The following DNM1L variants were observed in gnomAD, a reference collection of about 807,000 sequenced individuals.
DNM1L encodes dynamin 1L, also known as dynamin-1-like protein.
Under a neutral mutation model 92.8 loss-of-function variants are expected in DNM1L, and 33 were observed. That is an observed-to-expected ratio of 0.36 (90% CI 0.27 to 0.48). The LOEUF (loss-of-function observed/expected upper bound fraction) is 0.48, where lower values mean the gene tolerates loss of function less well. DNM1L is among the 20% of genes least tolerant of loss of function. The pLI, the probability that DNM1L is intolerant of heterozygous loss-of-function variation, is 0.99. For missense variants in DNM1L, 485 were observed against 888.8 expected, an observed-to-expected ratio of 0.55 and a Z score of 5.78; for synonymous variants, 284 against 305.0, an observed-to-expected ratio of 0.93 and a Z score of 0.72.
Position 32,720,752 on chromosome 12 carries a change from G to GC in DNM1L, c.831dup (p.Asn278GlnfsTer2). On this transcript the variant is annotated frameshift_variant, in exon 8 of 20. Coordinates refer to ENST00000549701, the MANE Select transcript of DNM1L (RefSeq NM_012062.5). LOFTEE classifies it high-confidence loss of function. ...TCTTCAAAAGAAATATCCATCTCTGGCCAATAGAAATGGAACAAAGTATCT... is the reference window on the plus strand; with the variant it reads ...TCTTCAAAAGAAATATCCATCTCTGGCCCAATAGAAATGGAACAAAGTATCT... 1 of 1,613,752 alleles carries GC rather than the reference G, an allele frequency of 6.2e-7. No individual in the cohort carries two copies. The highest frequency in any genetic ancestry group is 8.5e-7 in the Non-Finnish European group (1 of 1,179,858).
At chr12:32,718,617 C>T in intron 6 of DNM1L, 26 bp from the exon 7 acceptor site, 1 of 1,612,846 alleles carries the variant, frequency 6.2e-7, no homozygotes, top group Non-Finnish European at 8.5e-7. Context: ...CTTTTCTTTG[C>T]CCTTTTTTCT....
At position 32,744,793 on chromosome 12, in the gene DNM1L, A is replaced by G. The variant is rs561379672; in HGVS notation, c.*1383A>G. 3 of 453,756 alleles carry G rather than the reference A, an allele frequency of 6.6e-6. No individual in the cohort carries two copies. In the East Asian group the frequency reaches 2.0e-4, roughly 30 times the overall value. The allele number at this position is 453,756 out of a possible 1,614,324, so 28.1% of individuals were successfully genotyped here. ...CAGACCTAAGCTGCATTTATGGGGT[A>G]GTGATGAGGTTTAGAACATATACAT... On this transcript the variant is annotated 3_prime_UTR_variant, in exon 20 of 20. Coordinates refer to ENST00000549701, the MANE Select transcript of DNM1L (RefSeq NM_012062.5).
At chr12:32,696,408 A>T (rs1952463656) in intron 1 of DNM1L, among the ~76,000 whole-genome samples, 1 of 150,988 alleles carries the variant, frequency 6.6e-6, no homozygotes, top group African/African-American at 2.4e-5. Flanking sequence ...ACACACACAC[A>T]CACACACAAT....
intron 1 of DNM1L, among the ~76,000 whole-genome samples, chr12:32,699,443 G>A (rs1452470844): frequency 6.6e-6 from 1 of 152,106 alleles, no homozygotes; most frequent in African/African-American, 2.4e-5. Flanking sequence ...GAGAAATACA[G>A]AAAGCCATTA....
chr12:32,726,157 C>T (rs957447980), intron 9 of DNM1L, among the ~76,000 whole-genome samples: 7 of 152,022 alleles, frequency 4.6e-5, no homozygotes, highest in African/African-American at 1.2e-4. Context: ...TATGTAGCAG[C>T]GAATGAACAT....
chr12:32,717,373 TAC>T (rs1220951390), intron 6 of DNM1L, among the ~76,000 whole-genome samples: 1 of 78,594 alleles, frequency 1.3e-5, no homozygotes. Context: ...ATAATATATA[TAC>T]TATATATAAT....
intron 15 of DNM1L, 57 bp from the exon 16 acceptor site, chr12:32,738,207 C>T (rs1955035300): frequency 6.3e-7 from 1 of 1,586,318 alleles, no homozygotes; most frequent in Non-Finnish European, 8.7e-7. Flanking sequence ...GAATTTCAAC[C>T]CATTGGTATT....
At chr12:32,710,048 A>C (rs1464860081) in intron 4 of DNM1L, among the ~76,000 whole-genome samples, 2 of 149,150 alleles carry the variant, frequency 1.3e-5, no homozygotes, top group Admixed American at 1.3e-4. Flanking sequence ...GTACAAAGAC[A>C]GGGTATAAAC....
At chr12:32,718,204 C>T (rs992445645) in intron 6 of DNM1L, among the ~76,000 whole-genome samples, 9 of 147,950 alleles carry the variant, frequency 6.1e-5, no homozygotes, top group South Asian at 2.2e-4. Flanking sequence ...TGCAATGGCA[C>T]GATCTCAGCT....
chr12:32,717,349 T>TTTAA (rs1244982577), intron 6 of DNM1L, among the ~76,000 whole-genome samples: 6 of 62,582 alleles, frequency 9.6e-5, no homozygotes, highest in Admixed American at 2.4e-4. Flanking sequence ...TACTATATAT[T>TTTAA]ATATATAGTA....
At chr12:32,719,728 T>G (rs1953717297) in intron 7 of DNM1L, among the ~76,000 whole-genome samples, 1 of 152,196 alleles carries the variant, frequency 6.6e-6, no homozygotes, top group African/African-American at 2.4e-5. Context: ...GAAATTATTA[T>G]TGAGTGTCTA....
chr12:32,684,477 C>CTTT (rs768276200), intron 1 of DNM1L, among the ~76,000 whole-genome samples: 20,419 of 145,120 alleles, frequency 0.14, 1,551 homozygotes, highest in African/African-American at 0.19. Flanking sequence ...CAACATAATT[C>CTTT]TTTTTTTTTT....
At chr12:32,714,096 A>G (rs1287117129) in intron 6 of DNM1L, among the ~76,000 whole-genome samples, 4 of 152,150 alleles carry the variant, frequency 2.6e-5, no homozygotes, top group Non-Finnish European at 4.4e-5. Flanking sequence ...AAATGTATGC[A>G]TGGCCTCATA....
chr12:32,716,493 A>G (rs924202806), intron 6 of DNM1L, among the ~76,000 whole-genome samples: 6 of 151,822 alleles, frequency 4.0e-5, no homozygotes, highest in Non-Finnish European at 5.9e-5. Flanking sequence ...TACGTTTTCT[A>G]TTTTTTGTAG....
chr12:32,727,500 T>TA (rs538262756), intron 9 of DNM1L: 141 of 518,022 alleles, frequency 2.7e-4, no homozygotes, highest in African/African-American at 2.6e-3. Context: ...CAGATGGCGC[T>TA]AAAAAAAGAG....
At chr12:32,689,055 A>G (rs1952132786) in intron 1 of DNM1L, among the ~76,000 whole-genome samples, 1 of 152,220 alleles carries the variant, frequency 6.6e-6, no homozygotes, top group Non-Finnish European at 1.5e-5. Flanking sequence ...CCTAAGCAAC[A>G]TAGTGAGACC....
chr12:32,732,923 C>T (rs1210290614), intron 12 of DNM1L, among the ~76,000 whole-genome samples: 1 of 152,084 alleles, frequency 6.6e-6, no homozygotes, highest in Non-Finnish European at 1.5e-5. Flanking sequence ...ATGGAGAAAC[C>T]CCCTCTCTAC....
intron 1 of DNM1L, among the ~76,000 whole-genome samples, chr12:32,698,534 A>G (rs1319577756): frequency 1.3e-5 from 2 of 152,186 alleles, no homozygotes; most frequent in Non-Finnish European, 2.9e-5. Flanking sequence ...CCTTATGTAA[A>G]TAAACCCTCT....
chr12:32,693,594 T>C (rs1047445115), intron 1 of DNM1L, among the ~76,000 whole-genome samples: 3 of 152,182 alleles, frequency 2.0e-5, no homozygotes, highest in Non-Finnish European at 4.4e-5. Context: ...CAGTGTTTTT[T>C]TTAGCATATT....
Sources: allele counts gnomAD v4.1 joint callset (sites outside exome capture counted in the v4.1 genomes callset), GRCh38; gene constraint gnomAD v4.1.1; transcripts MANE v1.5; gene names NCBI Gene and HGNC (gene_info 2026-07-23, HGNC 2026-07-21).